GPC5: variants seen among roughly 807,000 people sequenced by gnomAD.
The protein encoded by GPC5 is glypican-5.
GPC5 carries 47 observed loss-of-function variants against 53.9 expected under a neutral mutation model. That is an observed-to-expected ratio of 0.87 (90% CI 0.69 to 1.11). The LOEUF (loss-of-function observed/expected upper bound fraction) is 1.11. GPC5 is among the 50% of genes most tolerant of loss of function. The pLI is 0.00. For missense variants in GPC5, 748 were observed against 713.1 expected (o/e 1.05, Z -0.56); for synonymous variants, 286 against 263.3 (o/e 1.09, Z -0.84).
At chr13:92,516,580 T>A (rs1880792034) in intron 7 of GPC5, among the ~76,000 whole-genome samples, 1 of 152,196 alleles carries the variant, frequency 6.6e-6, no homozygotes, top group African/African-American at 2.4e-5. Context: ...GTAAAGCTGG[T>A]AAAGAAAATA....
At chr13:92,545,833 T>C (rs1289440393) in intron 7 of GPC5, among the ~76,000 whole-genome samples, 4 of 152,166 alleles carry the variant, frequency 2.6e-5, no homozygotes, top group Non-Finnish European at 5.9e-5. Flanking sequence ...GTTTGTCAGA[T>C]GAGTAGGTTG....
At chr13:92,751,886 T>C (rs1889413903) in intron 7 of GPC5, among the ~76,000 whole-genome samples, 1 of 152,234 alleles carries the variant, frequency 6.6e-6, no homozygotes, top group South Asian at 2.1e-4. Flanking sequence ...AACTAGGTTA[T>C]TGCCTCAAGA....
At chr13:91,578,673 CATATAT>C (rs3055891) in intron 2 of GPC5, among the ~76,000 whole-genome samples, 20 of 149,536 alleles carry the variant, frequency 1.3e-4, no homozygotes, top group East Asian at 9.8e-4. Flanking sequence ...ATTTTTGATT[CATATAT>C]ATATATATAT....
intron 2 of GPC5, among the ~76,000 whole-genome samples, chr13:91,689,622 A>G (rs1016613308): frequency 2.0e-5 from 3 of 150,934 alleles, no homozygotes; most frequent in African/African-American, 7.3e-5. Flanking sequence ...TTAAATATTT[A>G]TTTATTTTTT....
Position 92,346,986 on chromosome 13 carries a change from A to G in GPC5, c.1561+201997A>G, listed in dbSNP as rs185515328. Among the ~76,000 whole-genome samples the G allele has an allele frequency of 1.7e-3, 262 of 152,258 alleles. 1 individual carries two copies. The highest frequency in any genetic ancestry group is 5.8e-3 in the African/African-American group (242 of 41,568). ...GGAAAACAAAATTTACAATTATTCA[A>G]TCAAAGGAGCCAAAAGACAAAAGAA... On this transcript the variant is annotated intron_variant, in intron 7 of 7. Coordinates refer to ENST00000377067, the MANE Select transcript of GPC5 (RefSeq NM_004466.6).
intron 7 of GPC5, among the ~76,000 whole-genome samples, chr13:92,382,010 C>A (rs1460553323): frequency 3.4e-5 from 5 of 148,666 alleles, no homozygotes; most frequent in Non-Finnish European, 5.9e-5. Context: ...ATCTATATAT[C>A]TATCTGATAG....
chr13:91,618,748 G>A (rs2033770567), intron 2 of GPC5, among the ~76,000 whole-genome samples: 1 of 151,938 alleles, frequency 6.6e-6, no homozygotes, highest in African/African-American at 2.4e-5. Flanking sequence ...TCTACTGTTG[G>A]TTGCTGTGTG....
At chr13:91,762,162 C>CTTTTCCTCAACTGG (rs2037426402) in intron 5 of GPC5, among the ~76,000 whole-genome samples, 1 of 152,074 alleles carries the variant, frequency 6.6e-6, no homozygotes, top group African/African-American at 2.4e-5. Context: ...TAAGCTGACC[C>CTTTTCCTCAACTGG]TTTTCCTCAA....
intron 7 of GPC5, among the ~76,000 whole-genome samples, chr13:92,178,286 G>A (rs947343037): frequency 8.5e-5 from 13 of 152,236 alleles, no homozygotes; most frequent in Admixed American, 6.5e-4. Flanking sequence ...GTCAGCAGAT[G>A]TGGATATGAG....
chr13:91,571,946 CAT>C (rs1379581755), intron 2 of GPC5, among the ~76,000 whole-genome samples: 1 of 112,478 alleles, frequency 8.9e-6, no homozygotes, highest in Non-Finnish European at 1.9e-5. Flanking sequence ...CATGTATATA[CAT>C]ATACACACAT....
chr13:91,975,882 C>A (rs1251374489), intron 6 of GPC5, among the ~76,000 whole-genome samples: 2 of 152,232 alleles, frequency 1.3e-5, no homozygotes, highest in East Asian at 3.9e-4. Context: ...AAATGCCCAA[C>A]AATGATAGAC....
At chr13:91,650,264 A>C (rs1026540060) in intron 2 of GPC5, among the ~76,000 whole-genome samples, 2 of 152,164 alleles carry the variant, frequency 1.3e-5, no homozygotes, top group African/African-American at 4.8e-5. Flanking sequence ...CCTACCCTTC[A>C]TCAATATACC....
intron 5 of GPC5, among the ~76,000 whole-genome samples, chr13:91,873,537 C>A (rs919320871): frequency 6.6e-6 from 1 of 152,198 alleles, no homozygotes; most frequent in South Asian, 2.1e-4. Flanking sequence ...AAACGAGAGT[C>A]CCCCTGCACA....
chr13:92,381,998 C>CTATA (rs2043752391), intron 7 of GPC5, among the ~76,000 whole-genome samples: 1 of 143,068 alleles, frequency 7.0e-6, no homozygotes, highest in Non-Finnish European at 1.5e-5. Flanking sequence ...ATCTATCTAT[C>CTATA]TATCTATATA....
chr13:92,142,283 G>A (rs1357414542), intron 6 of GPC5, among the ~76,000 whole-genome samples: 1 of 152,138 alleles, frequency 6.6e-6, no homozygotes, highest in Admixed American at 6.5e-5. Context: ...ACTGATTAAT[G>A]GCATCAGTTA....
chr13:92,410,538 A>T (rs948987254), intron 7 of GPC5, among the ~76,000 whole-genome samples: 3 of 152,200 alleles, frequency 2.0e-5, no homozygotes, highest in African/African-American at 7.2e-5. Flanking sequence ...TATTTAACCC[A>T]TTCATCTTAA....
At chr13:92,202,462 G>A (rs2042302199) in intron 7 of GPC5, among the ~76,000 whole-genome samples, 1 of 152,190 alleles carries the variant, frequency 6.6e-6, no homozygotes, top group South Asian at 2.1e-4. Context: ...ATAGACTACG[G>A]TTATAATTCA....
chr13:92,156,367 A>G (rs1003807307), intron 7 of GPC5, among the ~76,000 whole-genome samples: 1 of 152,118 alleles, frequency 6.6e-6, no homozygotes, highest in African/African-American at 2.4e-5. Flanking sequence ...TGTGGGCATA[A>G]ATGTTCACAG....
At chr13:91,418,614 C>T (rs768951383) in intron 1 of GPC5, among the ~76,000 whole-genome samples, 11 of 152,146 alleles carry the variant, frequency 7.2e-5, no homozygotes, top group East Asian at 3.9e-4. Context: ...GAAAGGTGAA[C>T]GGGTGAGGCA....
Sources: gnomAD v4.1 joint callset for allele counts (sites outside exome capture counted in the v4.1 genomes callset) on GRCh38, gnomAD v4.1.1 for gene constraint, MANE v1.5 for transcripts, NCBI Gene and HGNC (gene_info 2026-07-23, HGNC 2026-07-21) for gene names.